PIKFYVE: variants seen among roughly 807,000 people sequenced by gnomAD.
PIKFYVE encodes 1-phosphatidylinositol 3-phosphate 5-kinase.
A neutral mutation model predicts 257.9 loss-of-function variants in PIKFYVE; 122 were observed. The ratio of observed to expected loss-of-function variants is 0.47; its 90% confidence interval spans 0.41 to 0.55. The LOEUF is 0.55. PIKFYVE is among the 20% of genes least tolerant of loss of function. PIKFYVE has a pLI of 0.00. For missense variants in PIKFYVE, 2,160 were observed against 2,536.6 expected, an observed-to-expected ratio of 0.85 and a Z score of 3.19; for synonymous variants, 892 against 868.9, an observed-to-expected ratio of 1.03 and a Z score of -0.47.
At chr2:208,274,433 T>C (rs1689843234) in intron 3 of PIKFYVE, among the ~76,000 whole-genome samples, 1 of 152,096 alleles carries the variant, frequency 6.6e-6, no homozygotes, top group Non-Finnish European at 1.5e-5. Flanking sequence ...GGAGGTGGCA[T>C]GATAGAGGGG....
chr2:208,314,660 A>T (rs987381625), intron 14 of PIKFYVE, among the ~76,000 whole-genome samples: 4 of 152,176 alleles, frequency 2.6e-5, no homozygotes, highest in Non-Finnish European at 5.9e-5. Flanking sequence ...GCACTTTGGG[A>T]GGCTGAGGCG....
chr2:208,281,258 A>G (rs1690770596), intron 5 of PIKFYVE, among the ~76,000 whole-genome samples: 1 of 152,220 alleles, frequency 6.6e-6, no homozygotes, highest in African/African-American at 2.4e-5. Flanking sequence ...CATTTAGTGT[A>G]AGCCACCTTT....
intron 1 of PIKFYVE, among the ~76,000 whole-genome samples, chr2:208,268,407 G>A (rs1283377044): frequency 1.4e-5 from 2 of 142,782 alleles, no homozygotes; most frequent in African/African-American, 5.2e-5. Context: ...TCACATTATC[G>A]TTTCTCTCCA....
chr2:208,334,767 A>T (rs1697947037), intron 24 of PIKFYVE, among the ~76,000 whole-genome samples: 1 of 152,200 alleles, frequency 6.6e-6, no homozygotes, highest in African/African-American at 2.4e-5. Context: ...TTATATCCTC[A>T]GCACCTAAAA....
intron 20 of PIKFYVE, among the ~76,000 whole-genome samples, chr2:208,327,571 G>A (rs1262215510): frequency 6.6e-6 from 1 of 152,146 alleles, no homozygotes; most frequent in African/African-American, 2.4e-5. Flanking sequence ...CCCCCTGTTT[G>A]TACTTAGGAA....
rs774473707 is a variant in PIKFYVE at position 208,285,776 on chromosome 2, C to G, written c.664C>G (p.His222Asp). 6.2e-7 allele frequency: 1 copy of G among 1,614,062 alleles called. No individual in the cohort carries two copies. The highest frequency in any genetic ancestry group is 1.7e-5 in the Admixed American group (1 of 60,010). ...TAGAAAAATAGCCTTAAGTTATGCT[C>G]ATTCCACAGACAGTAATTCTATTGG... ...YCRKIALSYA[H>D]STDSNSIGED... The change falls in exon 6 of 42, where the codon CAT becomes GAT. Residue 222 changes from histidine (H) to aspartate (D), a missense_variant. By Grantham distance (81) the His-to-Asp change is moderately conservative. This residue lies in a region of PIKFYVE where 187 missense variants were observed against 185.6 expected (regional missense o/e 1.01). Coordinates refer to ENST00000264380, the MANE Select transcript of PIKFYVE (RefSeq NM_015040.4).
chr2:208,272,194 G>A (rs1689515237), intron 2 of PIKFYVE, among the ~76,000 whole-genome samples: 1 of 151,006 alleles, frequency 6.6e-6, no homozygotes, highest in African/African-American at 2.4e-5. Flanking sequence ...GAGATTGCGC[G>A]ACTGTACTCC....
At chr2:208,298,205 G>A (rs1335526922) in intron 7 of PIKFYVE, among the ~76,000 whole-genome samples, 3 of 151,986 alleles carry the variant, frequency 2.0e-5, no homozygotes, top group African/African-American at 7.3e-5. Flanking sequence ...ACTCTGATCT[G>A]CAAGATTATT....
At chr2:208,340,325 A>G (rs1698576541) in intron 31 of PIKFYVE, among the ~76,000 whole-genome samples, 194 bp downstream of exon 31, 1 of 152,238 alleles carries the variant, frequency 6.6e-6, no homozygotes, top group South Asian at 2.1e-4. Flanking sequence ...AGATGAGTGG[A>G]TAAAGCACTA....
intron 5 of PIKFYVE, among the ~76,000 whole-genome samples, chr2:208,284,723 C>T (rs948531660): frequency 6.6e-6 from 1 of 152,114 alleles, no homozygotes; most frequent in Non-Finnish European, 1.5e-5. Context: ...ATTAATTTGC[C>T]TATGGAAAAT....
intron 36 of PIKFYVE, 63 bp downstream of exon 36, chr2:208,350,146 A>C: frequency 3.1e-6 from 5 of 1,596,174 alleles, no homozygotes; most frequent in Non-Finnish European, 4.3e-6. Context: ...CATCTCTATT[A>C]TTTGAGAATT....
chr2:208,350,205 T>A (rs747523736), intron 36 of PIKFYVE, 122 bp downstream of exon 36: 51 of 1,411,702 alleles, frequency 3.6e-5, no homozygotes, highest in Non-Finnish European at 4.7e-5. Flanking sequence ...GAATATTAAG[T>A]CTTTATGCTG....
At chr2:208,327,640 CCA>C (rs758689845) in intron 20 of PIKFYVE, among the ~76,000 whole-genome samples, 3 of 152,290 alleles carry the variant, frequency 2.0e-5, no homozygotes, top group Non-Finnish European at 4.4e-5. Context: ...TATTTTAAAA[CCA>C]CAGAGTCAAA....
chr2:208,289,790 ACTT>A (rs1425477330), intron 7 of PIKFYVE, among the ~76,000 whole-genome samples: 7 of 151,862 alleles, frequency 4.6e-5, no homozygotes, highest in African/African-American at 1.5e-4. Flanking sequence ...ATGGTCTTGA[ACTT>A]CTGACCTCAA....
chr2:208,335,512 AT>A (rs1294700411), intron 25 of PIKFYVE, 93 bp downstream of exon 25: 1 of 1,122,720 alleles, frequency 8.9e-7, no homozygotes, highest in Non-Finnish European at 1.3e-6. Context: ...GAAAATGTAA[AT>A]TTTCTAATTG....
At chr2:208,322,618 A>G (rs1005544548) in intron 17 of PIKFYVE, among the ~76,000 whole-genome samples, 2 of 151,604 alleles carry the variant, frequency 1.3e-5, no homozygotes, top group African/African-American at 4.8e-5. Context: ...GTTTGCATTA[A>G]TTTGCTTACA....
chr2:208,325,529 CG>C lies in PIKFYVE; in HGVS notation c.2720del (p.Gly907ValfsTer26). The C allele has an allele frequency of 6.2e-7, 1 of 1,614,126 alleles. No homozygotes were observed. The highest frequency in any genetic ancestry group is 8.5e-7 in the Non-Finnish European group (1 of 1,179,988). On this transcript the variant is annotated frameshift_variant, in exon 20 of 42. Coordinates refer to ENST00000264380, the MANE Select transcript of PIKFYVE (RefSeq NM_015040.4). LOFTEE classifies it high-confidence loss of function. ...GHEGAVQEQY[G>X]GGSIPWDPDI... Reference sequence around the variant, plus strand: ...ATGAGGGGGCTGTCCAAGAGCAGTACGGTGGAGGTTCCATCCCCTGGGATCC... The same window carrying C: ...ATGAGGGGGCTGTCCAAGAGCAGTACGTGGAGGTTCCATCCCCTGGGATCC...
At position 208,358,153 on chromosome 2, in the gene PIKFYVE, A is replaced by T. The variant is rs1574793061; in HGVS notation, c.*2848A>T. On this transcript the variant is annotated 3_prime_UTR_variant, in exon 42 of 42. Transcript: ENST00000264380. ...ATTAGGTATTGTAAATAGTAGGGTT[A>T]TATCGATATCAGCTTTTGTGATGGC... The T allele has an allele frequency of 6.6e-6, 1 of 152,468 alleles. No homozygotes were observed. The highest frequency in any genetic ancestry group is 2.4e-5 in the African/African-American group (1 of 41,444). 9.4% of individuals were successfully genotyped at this position (152,468 alleles called of 1,614,324 possible).
Position 208,315,367 on chromosome 2 carries a change from C to G in PIKFYVE, c.2001C>G (p.Ile667Met), listed in dbSNP as rs776524286. 10 of 1,613,916 alleles carry G rather than the reference C, an allele frequency of 6.2e-6. No homozygotes were observed. The highest frequency in any genetic ancestry group is 8.5e-6 in the Non-Finnish European group (10 of 1,179,916). The part of the protein sequence containing the change: ...DDMDIRQFVH[I>M]KKIPGGKKFD... ...TGGATATCCGTCAGTTTGTCCACAT[C>G]AAAAAAGTGAGCTCTGCTAATGTTT... The change falls in exon 15 of 42, where the codon ATC becomes ATG. Residue 667 changes from isoleucine to methionine, a missense_variant. Coordinates refer to ENST00000264380, the MANE Select transcript of PIKFYVE (RefSeq NM_015040.4).
Sources: gnomAD v4.1 joint callset for allele counts (sites outside exome capture counted in the v4.1 genomes callset) on GRCh38, gnomAD v4.1.1 for gene constraint, gnomAD v4.1.1 regional missense constraint, MANE v1.5 for transcripts, NCBI Gene and HGNC (gene_info 2026-07-23, HGNC 2026-07-21) for gene names.